The following TSBP1 variants were observed in gnomAD, a reference collection of about 807,000 sequenced individuals.
The protein encoded by TSBP1 is testis-expressed basic protein 1.
Under a neutral mutation model 68.8 loss-of-function variants are expected in TSBP1, and 56 were observed. The ratio of observed to expected loss-of-function variants is 0.81; its 90% CI spans 0.66 to 1.02. The LOEUF (loss-of-function observed/expected upper bound fraction) is 1.02. Ranked by LOEUF, TSBP1 falls within the 50% of genes least tolerant of loss-of-function variation. TSBP1 has a pLI of 0.00. For synonymous variants in TSBP1, 171 were observed against 208.7 expected (o/e 0.82, Z 1.56); for missense variants, 502 against 641.2 (o/e 0.78, Z 2.34).
At position 32,336,557 on chromosome 6, in the gene TSBP1, A is replaced by T; in HGVS notation, c.430+58T>A. 1 of 1,445,720 alleles carries T rather than the reference A, an allele frequency of 6.9e-7. No homozygotes were observed. The highest frequency in any genetic ancestry group is 1.7e-5 in the Admixed American group (1 of 59,504). 89.6% of individuals were successfully genotyped at this position (1,445,720 alleles called of 1,614,324 possible). A position where few individuals can be genotyped will look rare whatever the true frequency, so the allele number is the denominator to read the frequency against. ...AAAATGCAGGGCAGATCAGGCCCCA[A>T]GACCTTGTAGGTCAGATATCAAAGG... On this transcript the variant is annotated intron_variant, in intron 12 of 22. Transcript: ENST00000612031. This position sits in a 1 kb window ranked among gnomAD's most constrained non-coding sequence, Gnocchi z 5.2.
At chr6:32,367,979 A>G in intron 3 of TSBP1, 22 bp from the exon 4 acceptor site, 2 of 1,572,058 alleles carry the variant, frequency 1.3e-6, no homozygotes, top group East Asian at 2.3e-5. Context: ...GGGAGAGCAC[A>G]TGATTTTGCT....
intron 22 of TSBP1, among the ~76,000 whole-genome samples, chr6:32,296,470 A>G (rs1194113467): frequency 6.6e-6 from 1 of 152,222 alleles, no homozygotes; most frequent in Non-Finnish European, 1.5e-5. Context: ...ATTCTAGACA[A>G]TCAATTTTCA....
chr6:32,315,690 G>A lies in TSBP1; in HGVS notation c.580+82C>T, dbSNP rs1279012049. The stretch of plus-strand genomic sequence containing the variant: ...AAGCAAATGAATATGAGAAATATGA[G>A]TCTCAATCTTTTGGATACTTAGAAG... On this transcript the variant is annotated intron_variant, in intron 19 of 22. Coordinates refer to ENST00000612031, the Ensembl canonical transcript of TSBP1. This position sits in a 1 kb window ranked among gnomAD's most constrained non-coding sequence, Gnocchi z 5.4. 1 of 889,464 alleles carries A rather than the reference G, an allele frequency of 1.1e-6. No homozygotes were observed. The highest frequency in any genetic ancestry group is 1.7e-5 in the African/African-American group (1 of 59,542). 55.1% of individuals were successfully genotyped at this position (889,464 alleles called of 1,614,324 possible). A position where few individuals can be genotyped will look rare whatever the true frequency, so the allele number is the denominator to read the frequency against.
At chr6:32,362,942 T>C (rs1209261618) in intron 6 of TSBP1, among the ~76,000 whole-genome samples, 1 of 152,206 alleles carries the variant, frequency 6.6e-6, no homozygotes, top group Non-Finnish European at 1.5e-5. Context: ...TAATTTTCTG[T>C]GTGGATGCTC....
At chr6:32,347,886 C>T (rs1182782925) in intron 9 of TSBP1, among the ~76,000 whole-genome samples, 1 of 152,156 alleles carries the variant, frequency 6.6e-6, no homozygotes, top group African/African-American at 2.4e-5. Context: ...AGCTTTTCGC[C>T]ATTCAGAGTC....
intron 4 of TSBP1, chr6:32,366,557 A>G: frequency 2.2e-6 from 1 of 445,148 alleles, no homozygotes; most frequent in Non-Finnish European, 4.1e-6. Flanking sequence ...AGGTCAGGAG[A>G]TCGAGACCAT....
chr6:32,292,976 T>C lies in TSBP1; in HGVS notation c.*5A>G, dbSNP rs1764300108. On this transcript the variant is annotated 3_prime_UTR_variant, in exon 23 of 23. Coordinates refer to ENST00000612031, the Ensembl canonical transcript of TSBP1. The surrounding 1 kb of genome is among the most constrained non-coding windows in gnomAD (Gnocchi z 4.1). ...TTGTCTTATGGGCCTTTAAAAAATT[T>C]ATCCTTACTCTTCCACTTTTTTGTT... 2 of 1,578,422 alleles carry C rather than the reference T, an allele frequency of 1.3e-6. No individual in the cohort carries two copies. The highest frequency in any genetic ancestry group is 1.7e-6 in the Non-Finnish European group (2 of 1,161,574).
chr6:32,365,779 G>T lies in TSBP1; in HGVS notation c.217+388C>A, dbSNP rs776984628. 5 of 398,264 alleles carry T rather than the reference G, an allele frequency of 1.3e-5. No individual in the cohort carries two copies. The highest frequency in any genetic ancestry group is 2.1e-5 in the African/African-American group (1 of 48,090). 24.7% of individuals were successfully genotyped at this position (398,264 alleles called of 1,614,324 possible). A position where few individuals can be genotyped will look rare whatever the true frequency, so the allele number is the denominator to read the frequency against. On this transcript the variant is annotated intron_variant, in intron 6 of 22. Coordinates refer to ENST00000612031, the Ensembl canonical transcript of TSBP1. This position sits in a 1 kb window ranked among gnomAD's most constrained non-coding sequence, Gnocchi z 4.3. ...TACCCTCTTTAATACATCTGTTCTAGGATTTTATAACCTGACAGCGTGCTG... is the reference window on the plus strand; with the variant it reads ...TACCCTCTTTAATACATCTGTTCTATGATTTTATAACCTGACAGCGTGCTG...
intron 19 of TSBP1, among the ~76,000 whole-genome samples, chr6:32,307,594 G>C (rs373284041): frequency 6.9e-6 from 1 of 143,996 alleles, no homozygotes; most frequent in South Asian, 2.2e-4. Flanking sequence ...ACTAATTTTT[G>C]TCTGTTTATT....
rs371150666 is a variant in TSBP1 at position 32,351,719 on chromosome 6, A to T, written c.260-1890T>A. Among the ~76,000 whole-genome samples, 26 of 152,226 alleles carry T rather than the reference A, an allele frequency of 1.7e-4. No homozygotes were observed. The South Asian group carries it at 5.4e-3, about 32-fold the overall frequency. Reference sequence around the variant, plus strand: ...TGTTTATGAGTGTGAGATTAACTTCATTTATCCTGCTCAGAGTAAATGGAA... The same window carrying T: ...TGTTTATGAGTGTGAGATTAACTTCTTTTATCCTGCTCAGAGTAAATGGAA... On this transcript the variant is annotated intron_variant, in intron 8 of 22. Coordinates refer to ENST00000612031, the Ensembl canonical transcript of TSBP1.
Position 32,316,503 on chromosome 6 carries a change from A to G in TSBP1, c.560-711T>C. The G allele has an allele frequency of 9.7e-7, 1 of 1,031,392 alleles. No homozygotes were observed. The highest frequency in any genetic ancestry group is 1.5e-6 in the Non-Finnish European group (1 of 684,056). The allele number at this position is 1,031,392 out of a possible 1,614,324, so 63.9% of individuals were successfully genotyped here. ...TATTTGTGTTGGGGAGAATCTTGGT[A>G]GTCACACAGCTCTGGATGACAATGG... On this transcript the variant is annotated intron_variant, in intron 18 of 22. Coordinates refer to ENST00000612031, the Ensembl canonical transcript of TSBP1. The surrounding 1 kb of genome is among the most constrained non-coding windows in gnomAD (Gnocchi z 4.5).
chr6:32,308,464 G>A, intron 19 of TSBP1, among the ~76,000 whole-genome samples: 1 of 149,678 alleles, frequency 6.7e-6, no homozygotes, highest in Admixed American at 6.6e-5. Context: ...CGGGCGTAGT[G>A]GCGGGCGCCT....
At chr6:32,307,389 C>T (rs1435841837) in intron 19 of TSBP1, among the ~76,000 whole-genome samples, 1 of 151,420 alleles carries the variant, frequency 6.6e-6, no homozygotes, top group Admixed American at 6.6e-5. Context: ...TTATTTATTT[C>T]TGTTTTGTTG....
At position 32,343,154 on chromosome 6, in the gene TSBP1, G is replaced by C; in HGVS notation, c.350-3516C>G. On this transcript the variant is annotated intron_variant, in intron 9 of 22. Transcript: ENST00000612031. The surrounding 1 kb of genome is among the most constrained non-coding windows in gnomAD (Gnocchi z 4.3). ...TTTCACCCTGACATAGCAGGAAACA[G>C]GAAATAGTTAAGACAGGGAGAAGTC... The C allele has an allele frequency of 1.3e-6, 1 of 757,686 alleles. No individual in the cohort carries two copies. The highest frequency in any genetic ancestry group is 1.9e-6 in the Non-Finnish European group (1 of 526,152). The allele number at this position is 757,686 out of a possible 1,614,324, so 46.9% of individuals were successfully genotyped here. A position where few individuals can be genotyped will look rare whatever the true frequency, so the allele number is the denominator to read the frequency against.
chr6:32,323,152 A>G lies in TSBP1; in HGVS notation c.539-15T>C. On this transcript the variant is annotated splice_polypyrimidine_tract_variant and intron_variant, in intron 17 of 22. Transcript: ENST00000612031. Reference sequence around the variant, plus strand: ...CATGGGTGGACCTAAAAACCAAAGTAGATATTGGTGAAGATTTCTTTGAAA... The same window carrying G: ...CATGGGTGGACCTAAAAACCAAAGTGGATATTGGTGAAGATTTCTTTGAAA... 2 of 1,517,550 alleles carry G rather than the reference A, an allele frequency of 1.3e-6. No homozygotes were observed. Among genetic ancestry groups the G allele is most frequent in the Non-Finnish European group, 1.8e-6 (2 of 1,097,076 alleles). The allele number at this position is 1,517,550 out of a possible 1,614,324, so 94.0% of individuals were successfully genotyped here. A position where few individuals can be genotyped will look rare whatever the true frequency, so the allele number is the denominator to read the frequency against.
chr6:32,369,524 C>T (rs1469883082), intron 2 of TSBP1, among the ~76,000 whole-genome samples: 2 of 152,038 alleles, frequency 1.3e-5, no homozygotes, highest in South Asian at 2.1e-4. Flanking sequence ...TTACCTGCCA[C>T]CATGCCCAGC....
intron 8 of TSBP1, 143 bp downstream of exon 8, chr6:32,354,981 G>A (rs1772120222): frequency 1.8e-6 from 1 of 560,526 alleles, no homozygotes; most frequent in Non-Finnish European, 3.1e-6. Context: ...TTATCAATTT[G>A]TCACATCTAA....
Position 32,336,873 on chromosome 6 carries a change from C to G in TSBP1, c.410-238G>C, listed in dbSNP as rs148021805. On this transcript the variant is annotated intron_variant, in intron 11 of 22. Coordinates refer to ENST00000612031, the Ensembl canonical transcript of TSBP1. This position sits in a 1 kb window ranked among gnomAD's most constrained non-coding sequence, Gnocchi z 5.2. Reference sequence around the variant, plus strand: ...AATAAATATAAATAATTAAAATAAACTACAGTTTTAAACATGAATTATTTG... The same window carrying G: ...AATAAATATAAATAATTAAAATAAAGTACAGTTTTAAACATGAATTATTTG... Among the ~76,000 whole-genome samples the G allele has an allele frequency of 1.3e-4, 20 of 152,222 alleles. No homozygotes were observed. In the East Asian group the frequency reaches 1.5e-3, roughly 12 times the overall value.
In TSBP1 at chr6:32,357,744, A is replaced by G. The variant is rs1772506176; in HGVS notation, c.218-2075T>C. Among the ~76,000 whole-genome samples the G allele has an allele frequency of 6.6e-6, 1 of 152,228 alleles. No individual in the cohort carries two copies. The highest frequency in any genetic ancestry group is 2.1e-4 in the South Asian group (1 of 4,838). ...GAAGAGAGTAGGAAAGGAGTTAAAT[A>G]TCATTCCAAGGTAGATAGTCTGAGC... On this transcript the variant is annotated intron_variant, in intron 6 of 22. Coordinates refer to ENST00000612031, the Ensembl canonical transcript of TSBP1. The surrounding 1 kb of genome is among the most constrained non-coding windows in gnomAD (Gnocchi z 4.7).
Sources: gnomAD v4.1 joint callset for allele counts (sites outside exome capture counted in the v4.1 genomes callset) on GRCh38, gnomAD v4.1.1 for gene constraint, Gnocchi (gnomAD v3.1) non-coding constraint, MANE v1.5 for transcripts, NCBI Gene and HGNC (gene_info 2026-07-23, HGNC 2026-07-21) for gene names.